DNAH14: variants seen among roughly 807,000 people sequenced by gnomAD.
DNAH14 encodes the protein dynein axonemal heavy chain 14.
In DNAH14, 478 loss-of-function variants were observed where a neutral mutation model predicts 520.9. The observed-to-expected ratio is 0.92, with a 90% CI of 0.85 to 0.99. The LOEUF (loss-of-function observed/expected upper bound fraction) is 0.99, where lower values mean the gene tolerates loss of function less well. Among genes scored for constraint, DNAH14 ranks in the 50% least tolerant of loss-of-function variants. DNAH14 has a pLI of 0.00. For synonymous variants in DNAH14, 1,581 were observed against 1,757.2 expected (o/e 0.90, Z 2.51); for missense variants, 4,831 against 5,234.5 (o/e 0.92, Z 2.38).
chr1:225,082,728 C>A lies in DNAH14; in HGVS notation c.3316C>A (p.Leu1106Ile). 2 of 1,544,268 alleles carry A rather than the reference C, an allele frequency of 1.3e-6. No individual in the cohort carries two copies. Among genetic ancestry groups the A allele is most frequent in the South Asian group, 2.4e-5 (2 of 81,828 alleles). ...LDKNCKVENL[L>I]ALKMFQYENE... is the part of the protein sequence containing the mutation. Reference sequence around the variant, plus strand: ...TAAAAACTGTAAAGTAGAGAATCTTCTAGCTCTCAAGGTAAATAAAAATGG... The same window carrying A: ...TAAAAACTGTAAAGTAGAGAATCTTATAGCTCTCAAGGTAAATAAAAATGG... The change falls in exon 20 of 86, where the codon CTA becomes ATA. Residue 1106 changes from leucine (L) to isoleucine (I), a missense_variant. By Grantham distance (5) the Leu-to-Ile change is conservative (BLOSUM62 2). Coordinates refer to ENST00000682510, the MANE Select transcript of DNAH14 (RefSeq NM_001367479.1).
rs773641647 is a variant in DNAH14, at chr1:225,117,725, CT to C, written c.3912del (p.Ser1306AlafsTer9). On this transcript the variant is annotated frameshift_variant, in exon 24 of 86. Transcript: ENST00000682510. LOFTEE classifies it high-confidence loss of function. ...AAAGATTAATTTTCCCAAGATTTTACTTTCTTAGCAATGCCGAGCTTCTTGA... is the reference window on the plus strand; with the variant it reads ...AAAGATTAATTTTCCCAAGATTTTACTTCTTAGCAATGCCGAGCTTCTTGA... ...VKRLIFPRFYFLSNAELLDIL... is the reference protein window; with the variant it reads ...VKRLIFPRFYXLSNAELLDIL... 24 of 1,550,018 alleles carry C rather than the reference CT, an allele frequency of 1.5e-5. No homozygotes were observed. The South Asian group carries it at 1.7e-4, about 11-fold the overall frequency.
At chr1:225,082,484 C>A in intron 19 of DNAH14, 65 bp from the exon 20 acceptor site, 1 of 1,232,942 alleles carries the variant, frequency 8.1e-7, no homozygotes, top group South Asian at 2.2e-5. Context: ...CTTATTTTCT[C>A]AATTTTTTTG....
chr1:224,961,216 A>G (rs2060824374), intron 4 of DNAH14: 1 of 152,194 alleles, frequency 6.6e-6, no homozygotes, highest in Non-Finnish European at 1.5e-5. Flanking sequence ...TAGAGCCTCC[A>G]AATGAGAATC....
At chr1:225,248,784 T>C (rs1477613644) in intron 43 of DNAH14, among the ~76,000 whole-genome samples, 1 of 152,156 alleles carries the variant, frequency 6.6e-6, no homozygotes. Context: ...TTAGAGTTAC[T>C]ATAACTAGGG....
chr1:225,299,522 T>A (rs1363717951), intron 55 of DNAH14, among the ~76,000 whole-genome samples: 2 of 152,192 alleles, frequency 1.3e-5, no homozygotes, highest in Non-Finnish European at 2.9e-5. Flanking sequence ...AACTTAAATA[T>A]CCAGCTCTGT....
intron 72 of DNAH14, among the ~76,000 whole-genome samples, 167 bp downstream of exon 72, chr1:225,352,050 C>T (rs2095372213): frequency 6.6e-6 from 1 of 151,876 alleles, no homozygotes; most frequent in South Asian, 2.1e-4. Flanking sequence ...TCATAACAAT[C>T]CCTGAAAGGA....
chr1:225,398,046 C>CAAAA lies in DNAH14; in HGVS notation c.13492-454_13492-451dup, dbSNP rs11458055. 9.1e-3 allele frequency: 609 copies of CAAAA among 66,800 alleles called. 16 individuals are homozygous for CAAAA. The highest frequency in any genetic ancestry group is 0.038 in the African/African-American group (565 of 14,838). The allele number at this position is 66,800 out of a possible 1,614,324, so 4.1% of individuals were successfully genotyped here. ...TAGGCAACAGAGCGAGACCCCATGT[C>CAAAA]AAAAAAAAAAAAAAAAAAAAAAACC... On this transcript the variant is annotated intron_variant, in intron 84 of 85. Coordinates refer to ENST00000682510, the MANE Select transcript of DNAH14 (RefSeq NM_001367479.1).
chr1:225,211,271 G>A (rs759506507), intron 41 of DNAH14, among the ~76,000 whole-genome samples: 1 of 152,138 alleles, frequency 6.6e-6, no homozygotes, highest in Non-Finnish European at 1.5e-5. Flanking sequence ...ATGGTTAGAG[G>A]AATTGATAAG....
Position 225,043,019 on chromosome 1 carries a change from A to T in DNAH14, c.1673A>T (p.Lys558Ile). ...TTTGAAGATGAAATGTCAGAAAATA[A>T]AGACAATTGTGTCAAAAAACACTCA... ...VMFEDEMSEN[K>I]DNCVKKHSSE... is the part of the protein sequence containing the mutation. The change falls in exon 13 of 86, where the codon AAA (lysine) becomes ATA (isoleucine). Residue 558 changes from lysine (K) to isoleucine (I), a missense_variant. Coordinates refer to ENST00000682510, the MANE Select transcript of DNAH14 (RefSeq NM_001367479.1). 1 of 1,551,868 alleles carries T rather than the reference A, an allele frequency of 6.4e-7. No individual in the cohort carries two copies. Among genetic ancestry groups the T allele is most frequent in the Non-Finnish European group, 8.7e-7 (1 of 1,147,036 alleles).
At chr1:225,057,136 G>T (rs1171117123) in intron 17 of DNAH14, among the ~76,000 whole-genome samples, 10 of 152,076 alleles carry the variant, frequency 6.6e-5, no homozygotes, top group Admixed American at 3.9e-4. Flanking sequence ...ATGCCCATTT[G>T]CACGATATTG....
intron 11 of DNAH14, among the ~76,000 whole-genome samples, chr1:225,037,102 T>A (rs1558750818): frequency 6.6e-6 from 1 of 152,206 alleles, no homozygotes; most frequent in African/African-American, 2.4e-5. Flanking sequence ...ATTTTCAGTC[T>A]GTGTTTGTCA....
intron 72 of DNAH14, among the ~76,000 whole-genome samples, chr1:225,352,358 A>G (rs80107645): frequency 0.052 from 7,942 of 152,048 alleles, 661 homozygotes; most frequent in African/African-American, 0.18. Flanking sequence ...AATACAACCT[A>G]ATTTGTTTCC....
At chr1:225,180,196 T>C (rs2083810075) in intron 36 of DNAH14, among the ~76,000 whole-genome samples, 2 of 152,230 alleles carry the variant, frequency 1.3e-5, no homozygotes, top group South Asian at 2.1e-4. Flanking sequence ...GATATAAGCA[T>C]TCTACCCCTT....
chr1:225,105,793 A>G (rs1411084854), intron 23 of DNAH14, among the ~76,000 whole-genome samples: 5 of 151,900 alleles, frequency 3.3e-5, no homozygotes, highest in Non-Finnish European at 5.9e-5. Context: ...TGCACGTGAG[A>G]TGGGTTTCCT....
intron 36 of DNAH14, among the ~76,000 whole-genome samples, chr1:225,180,086 G>A (rs1018120627): frequency 1.3e-5 from 2 of 152,148 alleles, no homozygotes; most frequent in African/African-American, 4.8e-5. Context: ...CCTTGGGGTA[G>A]TCTTATTTGA....
chr1:225,211,613 C>G (rs7544279), intron 41 of DNAH14, among the ~76,000 whole-genome samples: 1 of 151,790 alleles, frequency 6.6e-6, no homozygotes, highest in African/African-American at 2.4e-5. Flanking sequence ...ACCTAGCAAG[C>G]CAGGCCAAAA....
At chr1:225,214,921 G>T (rs1267066797) in intron 41 of DNAH14, among the ~76,000 whole-genome samples, 1 of 152,100 alleles carries the variant, frequency 6.6e-6, no homozygotes, top group African/African-American at 2.4e-5. Flanking sequence ...GTTCTGCTCT[G>T]ATCTTAGTTA....
chr1:225,042,794 A>T, intron 12 of DNAH14, 41 bp from the exon 13 acceptor site: 1 of 1,516,730 alleles, frequency 6.6e-7, no homozygotes. Context: ...TCTGTAAGTT[A>T]TATGTTGTCA....
At chr1:225,362,499 C>T (rs1338439546) in intron 75 of DNAH14, among the ~76,000 whole-genome samples, 3 of 150,414 alleles carry the variant, frequency 2.0e-5, no homozygotes, top group East Asian at 2.0e-4. Flanking sequence ...CGCTTGATCC[C>T]GGGAGGTGGA....
Sources: gnomAD v4.1 joint callset for allele counts (sites outside exome capture counted in the v4.1 genomes callset) on GRCh38, gnomAD v4.1.1 for gene constraint, MANE v1.5 for transcripts, NCBI Gene and HGNC (gene_info 2026-07-23, HGNC 2026-07-21) for gene names.